Variants in BRD3 observed in about 807,000 individuals in gnomAD.
BRD3 encodes bromodomain-containing protein 3.
Under a neutral mutation model 66.8 loss-of-function variants are expected in BRD3, and 17 were observed. That is an observed-to-expected ratio of 0.25 (90% CI 0.17 to 0.38). The LOEUF (loss-of-function observed/expected upper bound fraction) is 0.38. Ranked by LOEUF, BRD3 falls within the 10% of genes least tolerant of loss-of-function variation. BRD3 has a pLI of 1.00. For synonymous variants in BRD3, 421 were observed against 393.2 expected (o/e 1.07, Z -0.84); for missense variants, 713 against 956.1 (o/e 0.75, Z 3.35).
At chr9:134,060,177 T>C (rs1280248050) in intron 1 of BRD3, among the ~76,000 whole-genome samples, 1 of 151,874 alleles carries the variant, frequency 6.6e-6, no homozygotes, top group Non-Finnish European at 1.5e-5. Context: ...AAAGTCGGAG[T>C]GAGCAGGCAG....
Position 134,044,705 on chromosome 9 carries a change from G to A in BRD3, c.1215+588C>T, listed in dbSNP as rs575455307. The stretch of plus-strand genomic sequence containing the variant: ...GGCAGGAGCACACACACGCACACAC[G>A]TCCACACACACACACAAATATCTCT... On this transcript the variant is annotated intron_variant, in intron 7 of 11. Coordinates refer to ENST00000303407, the MANE Select transcript of BRD3 (RefSeq NM_007371.4). Among the ~76,000 whole-genome samples the A allele has an allele frequency of 1.4e-3, 208 of 152,122 alleles. 1 individual carries two copies. The highest frequency in any genetic ancestry group is 2.9e-3 in the Admixed American group (45 of 15,272).
At chr9:134,038,121 G>T (rs1218294626) in intron 9 of BRD3, among the ~76,000 whole-genome samples, 1 of 152,162 alleles carries the variant, frequency 6.6e-6, no homozygotes, top group Non-Finnish European at 1.5e-5. Flanking sequence ...ATTTACTCCA[G>T]AAAACAGAAG....
chr9:134,050,285 T>A lies in BRD3; in HGVS notation c.714+89A>T. The A allele has an allele frequency of 4.6e-6, 6 of 1,306,084 alleles. No individual in the cohort carries two copies. The Admixed American group carries it at 7.9e-5, about 17-fold the overall frequency. 80.9% of individuals were successfully genotyped at this position (1,306,084 alleles called of 1,614,324 possible). A position where few individuals can be genotyped will look rare whatever the true frequency, so the allele number is the denominator to read the frequency against. On this transcript the variant is annotated intron_variant, in intron 5 of 11. Coordinates refer to ENST00000303407, the MANE Select transcript of BRD3 (RefSeq NM_007371.4). ...CCAAGAGCCAGCACTCAGGGAAAGG[T>A]GGGGGCCCCCCGCCTGCTGCTCCTG...
At chr9:134,053,954 TG>T (rs1830358518) in intron 1 of BRD3, 1 of 180,966 alleles carries the variant, frequency 5.5e-6, no homozygotes, top group African/African-American at 2.4e-5. Flanking sequence ...CACCCACTCG[TG>T]GGGTCGACTC....
chr9:134,052,258 C>T lies in BRD3; in HGVS notation c.351+48G>A, dbSNP rs574931715. The T allele has an allele frequency of 8.7e-5, 139 of 1,601,506 alleles. 8 individuals are homozygous for T. The South Asian group carries it at 1.4e-3, about 16-fold the overall frequency. On this transcript the variant is annotated intron_variant, in intron 3 of 11. Coordinates refer to ENST00000303407, the MANE Select transcript of BRD3 (RefSeq NM_007371.4). ...CGCCCAGGCCCACTGCGTTGCACAG[C>T]GCCCCAATCCTTACTGCAAGCGGCG...
chr9:134,034,086 C>G (rs189156219), intron 11 of BRD3, among the ~76,000 whole-genome samples: 297 of 152,280 alleles, frequency 2.0e-3, no homozygotes, highest in African/African-American at 6.4e-3. Flanking sequence ...CGGGCAGGGT[C>G]ATGGGCCCTG....
At chr9:134,059,215 G>A (rs981216090) in intron 1 of BRD3, among the ~76,000 whole-genome samples, 7 of 152,218 alleles carry the variant, frequency 4.6e-5, no homozygotes, top group Non-Finnish European at 8.8e-5. Context: ...CCCCGCCCGC[G>A]GAAGCTGCTC....
rs1178695925 is a variant in BRD3, at chr9:134,045,999, C to G, written c.1087-578G>C. ...TGTGTCCAGCGGCAGCTCCTGAACC[C>G]CACAGGGGTGGAGGCAACGGGGGCG... On this transcript the variant is annotated intron_variant, in intron 6 of 11. Transcript: ENST00000303407. This position sits in a 1 kb window ranked among gnomAD's most constrained non-coding sequence, Gnocchi z 4.8. Among the ~76,000 whole-genome samples the G allele has an allele frequency of 1.3e-5, 2 of 152,226 alleles. No individual in the cohort carries two copies. The highest frequency in any genetic ancestry group is 4.8e-5 in the African/African-American group (2 of 41,468).
intron 8 of BRD3, among the ~76,000 whole-genome samples, chr9:134,041,262 G>C (rs1830041121): frequency 6.6e-6 from 1 of 152,206 alleles, no homozygotes. Flanking sequence ...AGACAGCTCA[G>C]AGTGGGTGAC....
At chr9:134,042,764 TACAC>T (rs1043427352) in intron 7 of BRD3, among the ~76,000 whole-genome samples, 3 of 141,186 alleles carry the variant, frequency 2.1e-5, no homozygotes, top group Non-Finnish European at 4.5e-5. Flanking sequence ...TACACATATA[TACAC>T]ACACACATAT....
chr9:134,053,612 A>G (rs529244491), intron 1 of BRD3, 22 bp from the exon 2 acceptor site: 42 of 1,436,344 alleles, frequency 2.9e-5, no homozygotes, highest in East Asian at 2.5e-5. Flanking sequence ...GAAGCACAAC[A>G]GAGAGGAAGG....
rs889361647 is a variant in BRD3 at position 134,032,064 on chromosome 9, G to A, written c.*1526C>T. 4 of 218,158 alleles carry A rather than the reference G, an allele frequency of 1.8e-5. No homozygotes were observed. Among genetic ancestry groups the A allele is most frequent in the African/African-American group, 6.8e-5 (3 of 44,310 alleles). 13.5% of individuals were successfully genotyped at this position (218,158 alleles called of 1,614,324 possible). A position where few individuals can be genotyped will look rare whatever the true frequency, so the allele number is the denominator to read the frequency against. Reference sequence around the variant, plus strand: ...TGGCAGGGAGCAGGCATGTCCACCCGCAAGCCTGGGAGGCTAACTCTGGCA... The same window carrying A: ...TGGCAGGGAGCAGGCATGTCCACCCACAAGCCTGGGAGGCTAACTCTGGCA... On this transcript the variant is annotated 3_prime_UTR_variant, in exon 12 of 12. Coordinates refer to ENST00000303407, the MANE Select transcript of BRD3 (RefSeq NM_007371.4).
At chr9:134,040,002 G>A (rs1192455788) in intron 9 of BRD3, 32 bp downstream of exon 9, 1 of 1,564,522 alleles carries the variant, frequency 6.4e-7, no homozygotes, top group Admixed American at 1.9e-5. Flanking sequence ...TGAGCGCTGG[G>A]CTCTTGGAGC....
rs1367700714 is a variant in BRD3 at position 134,040,240 on chromosome 9, G to A, written c.1437C>T (p.Ala479=). The A allele has an allele frequency of 1.9e-6, 3 of 1,595,232 alleles. No individual in the cohort carries two copies. The South Asian group carries it at 3.4e-5, about 18-fold the overall frequency. The change falls in exon 9 of 12, where the codon GCC becomes GCT. Residue 479 remains alanine (A), a synonymous_variant. Coordinates refer to ENST00000303407, the MANE Select transcript of BRD3 (RefSeq NM_007371.4). ...QLKAVHEQLA[A]LSQAPVNKPK... ...GTTTGTTTACTGGGGCCTGAGACAGGGCGGCCAGCTGCTCGTGCACGGCCT... is the reference window on the plus strand; with the variant it reads ...GTTTGTTTACTGGGGCCTGAGACAGAGCGGCCAGCTGCTCGTGCACGGCCT...
chr9:134,061,002 CT>C (rs1442783983), intron 1 of BRD3, among the ~76,000 whole-genome samples: 3 of 152,242 alleles, frequency 2.0e-5, no homozygotes, highest in Non-Finnish European at 4.4e-5. Context: ...TGTTTCAGGG[CT>C]GTGGACAAAC....
intron 10 of BRD3, 113 bp downstream of exon 10, chr9:134,035,919 C>G: frequency 1.4e-6 from 2 of 1,384,420 alleles, no homozygotes; most frequent in Non-Finnish European, 1.9e-6. Context: ...GCCAAGACAG[C>G]GTGGCAGCCC....
At chr9:134,067,477 G>C (rs1830688883) in intron 1 of BRD3, among the ~76,000 whole-genome samples, 3 of 148,548 alleles carry the variant, frequency 2.0e-5, no homozygotes, top group South Asian at 4.2e-4. Context: ...CCGCAGGCCG[G>C]GGCCGCCGCG....
intron 6 of BRD3, among the ~76,000 whole-genome samples, chr9:134,047,785 CCT>C (rs1290960391): frequency 6.6e-6 from 1 of 152,216 alleles, no homozygotes; most frequent in East Asian, 1.9e-4. Context: ...CTAGGGACCC[CCT>C]GACCTGATGA....
intron 11 of BRD3, chr9:134,034,477 T>C: frequency 1.6e-6 from 1 of 607,414 alleles, no homozygotes; most frequent in Non-Finnish European, 2.8e-6. Flanking sequence ...TGGGCTGTGT[T>C]CACACACACT....
Sources: allele counts gnomAD v4.1 joint callset (sites outside exome capture counted in the v4.1 genomes callset), GRCh38; gene constraint gnomAD v4.1.1; non-coding constraint Gnocchi (gnomAD v3.1); transcripts MANE v1.5; gene names NCBI Gene and HGNC (gene_info 2026-07-23, HGNC 2026-07-21).